PRKG1: variants seen among roughly 807,000 people sequenced by gnomAD.
PRKG1 encodes cGMP-dependent protein kinase 1.
In PRKG1, 35 loss-of-function variants were observed where a neutral mutation model predicts 88.1. The ratio of observed to expected loss-of-function variants is 0.40; its 90% CI spans 0.30 to 0.53. PRKG1 has a LOEUF of 0.53. Ranked by LOEUF, PRKG1 falls within the 20% of genes least tolerant of loss-of-function variation. The pLI is 0.59. For synonymous variants in PRKG1, 303 were observed against 292.5 expected, an observed-to-expected ratio of 1.04 and a Z score of -0.37; for missense variants, 540 against 839.8, an observed-to-expected ratio of 0.64 and a Z score of 4.41.
intron 3 of PRKG1, among the ~76,000 whole-genome samples, chr10:51,668,597 A>C (rs911839013): frequency 1.3e-5 from 2 of 152,174 alleles, no homozygotes; most frequent in Non-Finnish European, 2.9e-5. Flanking sequence ...AGGGTTAAAC[A>C]TGAAAATACA....
At chr10:51,353,640 G>A (rs971062611) in intron 2 of PRKG1, among the ~76,000 whole-genome samples, 2 of 152,072 alleles carry the variant, frequency 1.3e-5, no homozygotes, top group African/African-American at 2.4e-5. Context: ...CAAAAGTCAG[G>A]CAATAACAAA....
chr10:51,955,563 T>C (rs761751453), intron 5 of PRKG1, among the ~76,000 whole-genome samples: 1 of 152,182 alleles, frequency 6.6e-6, no homozygotes, highest in Non-Finnish European at 1.5e-5. Flanking sequence ...GAAGATTTCG[T>C]AGGCAAAATG....
chr10:52,227,119 A>G (rs943793917), intron 9 of PRKG1, among the ~76,000 whole-genome samples: 1 of 152,200 alleles, frequency 6.6e-6, no homozygotes, highest in African/African-American at 2.4e-5. Flanking sequence ...AAAGCAAGAC[A>G]GTATATGAAA....
At chr10:52,230,901 T>C (rs1403923466) in intron 9 of PRKG1, 1 of 152,218 alleles carries the variant, frequency 6.6e-6, no homozygotes, top group East Asian at 1.9e-4. Flanking sequence ...ATCCTCTGAA[T>C]GTTCTGCTAC....
At chr10:52,134,000 C>A in intron 8 of PRKG1, 95 bp downstream of exon 8, 1 of 916,016 alleles carries the variant, frequency 1.1e-6, no homozygotes, top group Non-Finnish European at 1.7e-6. Context: ...GCTATTAATA[C>A]TTGTTTTATA....
At chr10:51,444,453 G>A (rs923188959) in intron 2 of PRKG1, among the ~76,000 whole-genome samples, 1 of 151,854 alleles carries the variant, frequency 6.6e-6, no homozygotes, top group African/African-American at 2.4e-5. Context: ...TATGGAACGG[G>A]TATACAGATT....
chr10:51,478,026 G>A (rs529145907), intron 3 of PRKG1, among the ~76,000 whole-genome samples: 1 of 151,940 alleles, frequency 6.6e-6, no homozygotes, highest in Non-Finnish European at 1.5e-5. Context: ...GTATGACTTT[G>A]GTCTGTGAAG....
chr10:51,689,892 C>T (rs139245238), intron 3 of PRKG1, among the ~76,000 whole-genome samples: 25 of 152,216 alleles, frequency 1.6e-4, no homozygotes, highest in African/African-American at 4.3e-4. Context: ...AAGGGGCCAA[C>T]GGTAGTGTGC....
intron 3 of PRKG1, among the ~76,000 whole-genome samples, chr10:51,785,922 A>C (rs569941169): frequency 6.6e-5 from 10 of 152,288 alleles, no homozygotes. Flanking sequence ...TATACAACAT[A>C]ATAACGCATC....
intron 3 of PRKG1, among the ~76,000 whole-genome samples, chr10:51,596,563 T>C (rs2132218097): frequency 6.6e-6 from 1 of 152,322 alleles, no homozygotes; most frequent in Middle Eastern, 3.4e-3. Context: ...AGCTCAGTCC[T>C]GCCTTTGTTT....
intron 7 of PRKG1, among the ~76,000 whole-genome samples, chr10:52,122,133 T>C (rs1278036734): frequency 6.6e-6 from 1 of 152,186 alleles, no homozygotes; most frequent in African/African-American, 2.4e-5. Context: ...GTCTTCTTGA[T>C]GCATCATTCC....
intron 4 of PRKG1, among the ~76,000 whole-genome samples, chr10:51,876,635 A>G (rs1188533853): frequency 6.6e-6 from 1 of 152,188 alleles, no homozygotes; most frequent in Admixed American, 6.5e-5. Context: ...GTGTTCCAGC[A>G]ATATTTCTTT....
At chr10:51,710,736 A>G (rs1327315863) in intron 3 of PRKG1, among the ~76,000 whole-genome samples, 4 of 152,210 alleles carry the variant, frequency 2.6e-5, no homozygotes, top group African/African-American at 7.2e-5. Context: ...TAAGCAAATG[A>G]TGCTATCAGT....
intron 8 of PRKG1, among the ~76,000 whole-genome samples, chr10:52,157,132 T>C (rs1275199311): frequency 6.6e-6 from 1 of 150,848 alleles, no homozygotes; most frequent in Non-Finnish European, 1.5e-5. Context: ...TTTTAAAATG[T>C]TTATACAAAA....
chr10:52,009,911 A>G (rs763108884), intron 5 of PRKG1, among the ~76,000 whole-genome samples: 2 of 152,172 alleles, frequency 1.3e-5, no homozygotes, highest in Non-Finnish European at 2.9e-5. Context: ...GATGAAAACA[A>G]GCAATGGGGA....
chr10:51,385,499 G>C (rs1173825022), intron 2 of PRKG1, among the ~76,000 whole-genome samples: 2 of 152,142 alleles, frequency 1.3e-5, no homozygotes, highest in Admixed American at 1.3e-4. Flanking sequence ...TTCCATTCCT[G>C]TGATGGACCA....
intron 10 of PRKG1, among the ~76,000 whole-genome samples, chr10:52,261,381 C>T (rs1295974151): frequency 6.6e-6 from 1 of 151,994 alleles, no homozygotes; most frequent in African/African-American, 2.4e-5. Context: ...GTGCAAATGG[C>T]AGATGGATTC....
upstream of PRKG1, among the ~76,000 whole-genome samples, chr10:51,073,789 C>T (rs972706391): frequency 6.6e-6 from 1 of 152,116 alleles, no homozygotes; most frequent in African/African-American, 2.4e-5. Context: ...TCGCGGGCGC[C>T]GACTCGCTCG....
intron 10 of PRKG1, among the ~76,000 whole-genome samples, chr10:52,270,558 A>C (rs1841696474): frequency 6.6e-6 from 1 of 152,052 alleles, no homozygotes; most frequent in Non-Finnish European, 1.5e-5. Context: ...TGATGAGTTC[A>C]TGTCCTTTGC....
Sources: allele counts gnomAD v4.1 joint callset (sites outside exome capture counted in the v4.1 genomes callset), GRCh38; gene constraint gnomAD v4.1.1; transcripts MANE v1.5; gene names NCBI Gene and HGNC (gene_info 2026-07-23, HGNC 2026-07-21).